Variants in CLSTN2 observed in about 807,000 individuals in gnomAD.
CLSTN2 encodes calsyntenin-2.
A neutral mutation model predicts 101.2 loss-of-function variants in CLSTN2; 48 were observed. The ratio of observed to expected loss-of-function variants is 0.47; its 90% CI spans 0.38 to 0.60. The LOEUF (loss-of-function observed/expected upper bound fraction) is 0.60. Ranked by LOEUF, CLSTN2 falls within the 20% of genes least tolerant of loss-of-function variation. The pLI, the probability that CLSTN2 is intolerant of heterozygous loss-of-function variation, is 0.00. For missense variants in CLSTN2, 1,160 were observed against 1,238.2 expected (o/e 0.94, Z 0.95); for synonymous variants, 481 against 463.6 (o/e 1.04, Z -0.48).
intron 2 of CLSTN2, among the ~76,000 whole-genome samples, chr3:140,398,512 C>T (rs1161189126): frequency 6.6e-6 from 1 of 152,178 alleles, no homozygotes; most frequent in Non-Finnish European, 1.5e-5. Flanking sequence ...ATGATGATCA[C>T]TTTGACTTTT....
chr3:139,998,326 C>T (rs1220997027), intron 1 of CLSTN2, among the ~76,000 whole-genome samples: 1 of 98,480 alleles, frequency 1.0e-5, no homozygotes, highest in Non-Finnish European at 1.9e-5. Flanking sequence ...ATAATAGTTC[C>T]CCCACATGCC....
chr3:140,147,577 GA>G (rs1196690296), intron 1 of CLSTN2, among the ~76,000 whole-genome samples: 1 of 151,772 alleles, frequency 6.6e-6, no homozygotes, highest in African/African-American at 2.4e-5. Context: ...GAGGGCAGCT[GA>G]AAAAAAATGA....
At chr3:140,427,173 CA>C (rs11422400) in intron 5 of CLSTN2, among the ~76,000 whole-genome samples, 8,369 of 89,374 alleles carry the variant, frequency 0.094, 546 homozygotes, top group East Asian at 0.29. Flanking sequence ...GAGACTGTCT[CA>C]AAAAAAAAAA....
intron 2 of CLSTN2, among the ~76,000 whole-genome samples, chr3:140,257,561 G>GTGTGTGT (rs1553726036): frequency 1.6e-4 from 15 of 93,010 alleles, no homozygotes; most frequent in African/African-American, 6.9e-4. Flanking sequence ...TCTTTCTAGG[G>GTGTGTGT]GTGTGTGTGT....
At position 140,421,210 on chromosome 3, in the gene CLSTN2, G is replaced by T; in HGVS notation, c.723G>T (p.Lys241Asn). ...ILVTAYDCGQ[K>N]PAAQDTLVQV... ...TGACCGCCTACGACTGTGGACAGAA[G>T]CCCGCTGCTCAGGACACCCTGGTGC... Residue 241 changes from lysine to asparagine, a missense_variant, in exon 5 of 17, where the codon AAG (lysine) becomes AAT (asparagine). Coordinates refer to ENST00000458420, the MANE Select transcript of CLSTN2 (RefSeq NM_022131.3). 1 of 1,614,198 alleles carries T rather than the reference G, an allele frequency of 6.2e-7. No individual in the cohort carries two copies. Among genetic ancestry groups the T allele is most frequent in the Non-Finnish European group, 8.5e-7 (1 of 1,180,012 alleles).
chr3:140,319,611 G>T (rs1205051152), intron 2 of CLSTN2, among the ~76,000 whole-genome samples: 1 of 152,192 alleles, frequency 6.6e-6, no homozygotes, highest in African/African-American at 2.4e-5. Flanking sequence ...TTAGGAAGTG[G>T]GATAGGAAAT....
At chr3:140,182,303 T>TA (rs1013736890) in intron 2 of CLSTN2, among the ~76,000 whole-genome samples, 4 of 151,012 alleles carry the variant, frequency 2.6e-5, no homozygotes, top group Admixed American at 1.3e-4. Context: ...AACACCAAAT[T>TA]AAAAAAAAAG....
chr3:140,024,690 T>TGGAGAAATTA (rs2007383092), intron 1 of CLSTN2, among the ~76,000 whole-genome samples: 1 of 152,128 alleles, frequency 6.6e-6, no homozygotes, highest in African/African-American at 2.4e-5. Context: ...GTTTGACTGA[T>TGGAGAAATTA]GGAGAACTTA....
chr3:140,289,873 G>C (rs1007118038), intron 2 of CLSTN2, among the ~76,000 whole-genome samples: 1 of 151,408 alleles, frequency 6.6e-6, no homozygotes, highest in African/African-American at 2.4e-5. Flanking sequence ...ATTTTATAAG[G>C]ATTCTCATGT....
chr3:140,046,652 C>A (rs898413728), intron 1 of CLSTN2, among the ~76,000 whole-genome samples: 1 of 152,124 alleles, frequency 6.6e-6, no homozygotes, highest in Non-Finnish European at 1.5e-5. Flanking sequence ...TGGCTGGTAC[C>A]GGTTGTTCCT....
intron 2 of CLSTN2, among the ~76,000 whole-genome samples, chr3:140,209,195 G>A (rs377457039): frequency 3.3e-5 from 5 of 152,168 alleles, no homozygotes; most frequent in African/African-American, 1.2e-4. Context: ...CAGGAGTTGG[G>A]GAGAGAACTG....
chr3:139,960,827 A>G (rs536401077), intron 1 of CLSTN2, among the ~76,000 whole-genome samples: 7 of 152,322 alleles, frequency 4.6e-5, no homozygotes, highest in African/African-American at 7.2e-5. Flanking sequence ...CAGTGTGTCA[A>G]TCATTTAGAA....
intron 8 of CLSTN2, among the ~76,000 whole-genome samples, chr3:140,512,199 A>C (rs1460608285): frequency 6.6e-6 from 1 of 152,156 alleles, no homozygotes; most frequent in African/African-American, 2.4e-5. Context: ...TGTTTTCGTC[A>C]TGAAGTCTTT....
At chr3:139,981,085 G>C (rs1042183602) in intron 1 of CLSTN2, among the ~76,000 whole-genome samples, 19 of 151,752 alleles carry the variant, frequency 1.3e-4, no homozygotes, top group Admixed American at 3.9e-4. Flanking sequence ...TATCTTGCCT[G>C]TGGGTCATCT....
At chr3:140,279,603 C>T (rs1457870218) in intron 2 of CLSTN2, among the ~76,000 whole-genome samples, 1 of 152,210 alleles carries the variant, frequency 6.6e-6, no homozygotes, top group Admixed American at 6.5e-5. Flanking sequence ...TGTGTCTCTG[C>T]TCAGGCCCTA....
chr3:140,291,026 C>A (rs1020191205), intron 2 of CLSTN2, among the ~76,000 whole-genome samples: 1 of 152,294 alleles, frequency 6.6e-6, no homozygotes, highest in Admixed American at 6.5e-5. Flanking sequence ...CTTCACATCA[C>A]CTTCAATTAC....
chr3:140,477,353 G>A (rs563192977), intron 8 of CLSTN2, among the ~76,000 whole-genome samples: 2 of 152,234 alleles, frequency 1.3e-5, no homozygotes, highest in African/African-American at 4.8e-5. Context: ...GCATCCCTTG[G>A]TTACTTAGAA....
At chr3:140,346,243 C>T (rs1346284800) in intron 2 of CLSTN2, among the ~76,000 whole-genome samples, 1 of 152,172 alleles carries the variant, frequency 6.6e-6, no homozygotes, top group African/African-American at 2.4e-5. Context: ...TGTTTATTAA[C>T]ATTTATAATT....
At chr3:140,051,801 A>G (rs1188632929) in intron 1 of CLSTN2, among the ~76,000 whole-genome samples, 2 of 152,194 alleles carry the variant, frequency 1.3e-5, no homozygotes, top group African/African-American at 4.8e-5. Flanking sequence ...AGGTGATTTC[A>G]ATATGCAGCC....
Sources: allele counts gnomAD v4.1 joint callset (sites outside exome capture counted in the v4.1 genomes callset), GRCh38; gene constraint gnomAD v4.1.1; transcripts MANE v1.5; gene names NCBI Gene and HGNC (gene_info 2026-07-23, HGNC 2026-07-21).